The following DOCK1 variants were observed in gnomAD, a reference collection of about 807,000 sequenced individuals.
DOCK1 encodes dedicator of cytokinesis 1, also known as dedicator of cytokinesis protein 1.
A neutral mutation model predicts 262.7 loss-of-function variants in DOCK1; 138 were observed. The ratio of observed to expected loss-of-function variants is 0.53; its 90% CI spans 0.46 to 0.61. DOCK1 has a LOEUF of 0.61. Among genes scored for constraint, DOCK1 ranks in the 20% least tolerant of loss-of-function variants. DOCK1 has a pLI of 0.00. For synonymous variants in DOCK1, 866 were observed against 867.4 expected (o/e 1.00, Z 0.03); for missense variants, 1,908 against 2,370.7 (o/e 0.80, Z 4.05).
chr10:127,321,243 C>G (rs2062509075), intron 29 of DOCK1, among the ~76,000 whole-genome samples: 1 of 90,814 alleles, frequency 1.1e-5, no homozygotes, highest in Non-Finnish European at 2.4e-5. Context: ...CCCCGTCCTC[C>G]CCCTCTCTCT....
At chr10:127,208,404 G>A (rs2057818409) in intron 27 of DOCK1, among the ~76,000 whole-genome samples, 1 of 152,252 alleles carries the variant, frequency 6.6e-6, no homozygotes, top group African/African-American at 2.4e-5. Flanking sequence ...GAGTATCTTT[G>A]CTGTAGGGTT....
chr10:127,161,301 G>A (rs1206643190), intron 27 of DOCK1, among the ~76,000 whole-genome samples: 1 of 152,178 alleles, frequency 6.6e-6, no homozygotes, highest in African/African-American at 2.4e-5. Context: ...ATATGAAGTT[G>A]ATTTTCATAA....
intron 27 of DOCK1, among the ~76,000 whole-genome samples, chr10:127,237,450 A>G (rs113122759): frequency 2.0e-5 from 3 of 152,192 alleles, no homozygotes; most frequent in African/African-American, 7.2e-5. Flanking sequence ...GGGAAGCAAG[A>G]TATTTGTACT....
In DOCK1 at chr10:127,444,122, G is replaced by A; in HGVS notation, c.5260-4G>A. 1 of 1,555,558 alleles carries A rather than the reference G, an allele frequency of 6.4e-7. No homozygotes were observed. The highest frequency in any genetic ancestry group is 8.7e-7 in the Non-Finnish European group (1 of 1,149,510). Reference sequence around the variant, plus strand: ...ACTGTGCTCTTTCTGTCCTTTTGATGTAGATAAGTCCCCTGCGGCCCCAGA... The same window carrying A: ...ACTGTGCTCTTTCTGTCCTTTTGATATAGATAAGTCCCCTGCGGCCCCAGA... On this transcript the variant is annotated splice_polypyrimidine_tract_variant and splice_region_variant and intron_variant, in intron 49 of 51. Transcript: ENST00000623213.
intron 27 of DOCK1, among the ~76,000 whole-genome samples, chr10:127,212,434 A>T (rs2058022385): frequency 6.6e-6 from 1 of 152,068 alleles, no homozygotes; most frequent in South Asian, 2.1e-4. Context: ...ACAGAAGTTG[A>T]GAATGTGTTT....
intron 29 of DOCK1, among the ~76,000 whole-genome samples, chr10:127,273,002 C>T (rs999931106): frequency 6.6e-6 from 1 of 152,070 alleles, no homozygotes; most frequent in African/African-American, 2.4e-5. Context: ...GACACAGGTC[C>T]CTCCCACAAC....
chr10:127,031,690 C>G lies in DOCK1; in HGVS notation c.1665C>G (p.Val555=). 1 of 1,612,686 alleles carries G rather than the reference C, an allele frequency of 6.2e-7. No homozygotes were observed. Residue 555 remains valine (V), a synonymous_variant, in exon 17 of 52, where the codon GTC becomes GTG. Transcript: ENST00000623213. ...KSEKIFALAF[V]KLMRYDGTTL... is the part of the protein sequence containing the mutation. ...AGAAAATATTTGCACTAGCATTTGT[C>G]AAGCTGATGAGATACGATGGTACCA...
At chr10:127,140,373 T>C (rs944355033) in intron 27 of DOCK1, among the ~76,000 whole-genome samples, 11 of 152,164 alleles carry the variant, frequency 7.2e-5, no homozygotes, top group African/African-American at 2.7e-4. Context: ...GGCAGGTTCC[T>C]TGGTAGAGGG....
Position 127,043,063 on chromosome 10 carries a change from G to T in DOCK1, c.2101-1G>T. On this transcript the variant is annotated splice_acceptor_variant, in intron 20 of 51. Coordinates refer to ENST00000623213, the MANE Select transcript of DOCK1 (RefSeq NM_001290223.2). LOFTEE classifies it high-confidence loss of function. The stretch of plus-strand genomic sequence containing the variant: ...GAAAATATTATTGATTAATTTGACA[G>T]GTATTTATCATTGGACTGATTGCTG... The T allele has an allele frequency of 6.3e-7, 1 of 1,594,866 alleles. No homozygotes were observed. The highest frequency in any genetic ancestry group is 1.7e-5 in the Admixed American group (1 of 58,146).
At chr10:127,014,314 T>C (rs1025934235) in intron 12 of DOCK1, among the ~76,000 whole-genome samples, 7 of 152,258 alleles carry the variant, frequency 4.6e-5, no homozygotes, top group East Asian at 1.9e-4. Context: ...TTTTTAGTTA[T>C]TCTGCTTAAG....
At position 127,247,993 on chromosome 10, in the gene DOCK1, T is replaced by C; in HGVS notation, c.2848-15T>C. ...GCTCTGTCTCATCTAATTCTATCTT[T>C]TGATTCATTTACAGGGAAACTTCGT... On this transcript the variant is annotated splice_polypyrimidine_tract_variant and intron_variant, in intron 27 of 51. Transcript: ENST00000623213. The C allele has an allele frequency of 2.5e-6, 4 of 1,612,450 alleles. No individual in the cohort carries two copies. The highest frequency in any genetic ancestry group is 3.4e-6 in the Non-Finnish European group (4 of 1,178,718).
At chr10:127,197,980 A>G (rs950429814) in intron 27 of DOCK1, among the ~76,000 whole-genome samples, 5 of 152,312 alleles carry the variant, frequency 3.3e-5, no homozygotes, top group Admixed American at 3.3e-4. Context: ...TTGGGGATCC[A>G]GATATGCCCA....
chr10:127,436,223 G>C (rs1363761122), intron 48 of DOCK1, among the ~76,000 whole-genome samples: 1 of 152,120 alleles, frequency 6.6e-6, no homozygotes, highest in African/African-American at 2.4e-5. Context: ...TTTTAGTATA[G>C]AAAAATGTCA....
rs71488594 is a variant in DOCK1, at chr10:126,912,987, AT to A, written c.46+7439del. 1.7e-3 allele frequency among the ~76,000 whole-genome samples: 242 copies of A among 144,174 alleles called. 1 individual carries two copies. Among genetic ancestry groups the A allele is most frequent in the Middle Eastern group, 7.2e-3 (2 of 278 alleles). 94.6% of individuals were successfully genotyped at this position (144,174 alleles called of 152,430 possible). A position where few individuals can be genotyped will look rare whatever the true frequency, so the allele number is the denominator to read the frequency against. On this transcript the variant is annotated intron_variant, in intron 1 of 51. Transcript: ENST00000623213. ...TCCCTCTGTCTTTAGTGGCCTTTGAATTTTTTTTTTTTTTTCCTGCAAGCCC... is the reference window on the plus strand; with the variant it reads ...TCCCTCTGTCTTTAGTGGCCTTTGAATTTTTTTTTTTTTTCCTGCAAGCCC...
chr10:127,244,758 T>G (rs1384011600), intron 27 of DOCK1, among the ~76,000 whole-genome samples: 1 of 152,208 alleles, frequency 6.6e-6, no homozygotes. Context: ...TTATTTTTAC[T>G]TATTGACTTA....
intron 29 of DOCK1, among the ~76,000 whole-genome samples, chr10:127,304,143 G>T (rs773054837): frequency 7.2e-5 from 11 of 152,162 alleles, no homozygotes; most frequent in Non-Finnish European, 1.2e-4. Flanking sequence ...TGGCTGCTCA[G>T]GGGGCAGAGC....
At chr10:127,411,357 A>G (rs565364940) in intron 43 of DOCK1, among the ~76,000 whole-genome samples, 1 of 152,110 alleles carries the variant, frequency 6.6e-6, no homozygotes, top group Non-Finnish European at 1.5e-5. Flanking sequence ...TTCCTCATTC[A>G]GTATCCAGCA....
chr10:127,174,385 T>G (rs1351142084), intron 27 of DOCK1, among the ~76,000 whole-genome samples: 1 of 152,188 alleles, frequency 6.6e-6, no homozygotes, highest in African/African-American at 2.4e-5. Context: ...TTGTATCAGC[T>G]GAGCACATGC....
chr10:127,389,749 C>T (rs1166361412), intron 38 of DOCK1, among the ~76,000 whole-genome samples: 2 of 152,122 alleles, frequency 1.3e-5, no homozygotes, highest in Admixed American at 6.5e-5. Context: ...GGCGTGGTGG[C>T]TCATGCCTGT....
Sources: gnomAD v4.1 joint callset for allele counts (sites outside exome capture counted in the v4.1 genomes callset) on GRCh38, gnomAD v4.1.1 for gene constraint, MANE v1.5 for transcripts, NCBI Gene and HGNC (gene_info 2026-07-23, HGNC 2026-07-21) for gene names.